Variants in GPATCH2L observed in about 807,000 individuals in gnomAD.
GPATCH2L encodes G-patch domain containing 2 like, also known as G patch domain-containing protein 2-like.
GPATCH2L carries 31 observed loss-of-function variants against 57.4 expected under a neutral mutation model. The ratio of observed to expected loss-of-function variants is 0.54; its 90% CI spans 0.41 to 0.73. The LOEUF (loss-of-function observed/expected upper bound fraction) is 0.73, where lower values mean the gene tolerates loss of function less well. Ranked by LOEUF, GPATCH2L falls within the 30% of genes least tolerant of loss-of-function variation. The pLI is 0.00. For missense variants in GPATCH2L, 481 were observed against 599.9 expected (o/e 0.80, Z 2.07); for synonymous variants, 199 against 210.7 (o/e 0.94, Z 0.48).
intron 3 of GPATCH2L, among the ~76,000 whole-genome samples, chr14:76,169,296 C>T (rs1048475181): frequency 6.6e-6 from 1 of 152,150 alleles, no homozygotes; most frequent in African/African-American, 2.4e-5. Flanking sequence ...TGAGGCTTTT[C>T]AAGGCAGGAC....
Position 76,235,108 on chromosome 14 carries a change from C to T in GPATCH2L, c.*117+5155C>T, listed in dbSNP as rs186982253. On this transcript the variant is annotated intron_variant and NMD_transcript_variant, in intron 2 of 3. Coordinates refer to the GPATCH2L transcript ENST00000556372. Reference sequence around the variant, plus strand: ...GCTTGAACCCAGGAGGCGGAGGTTGCGGTGAGCTGAGATCACGCCGTTGCA... The same window carrying T: ...GCTTGAACCCAGGAGGCGGAGGTTGTGGTGAGCTGAGATCACGCCGTTGCA... Among the ~76,000 whole-genome samples the T allele has an allele frequency of 6.1e-3, 895 of 145,844 alleles. 9 individuals are homozygous for T. The highest frequency in any genetic ancestry group is 0.022 in the African/African-American group (872 of 39,074).
Position 76,155,104 on chromosome 14 carries a change from T to C in GPATCH2L, c.662+79T>C, listed in dbSNP as rs1594898826. The C allele has an allele frequency of 2.5e-6, 3 of 1,179,314 alleles. No individual in the cohort carries two copies. The East Asian group carries it at 7.5e-5, about 30-fold the overall frequency. The allele number at this position is 1,179,314 out of a possible 1,614,324, so 73.1% of individuals were successfully genotyped here. On this transcript the variant is annotated intron_variant, in intron 2 of 9. Transcript: ENST00000261530. ...GCACATCCATGGTCTTAGTGGGTTC[T>C]ACCTTCTTTCAAACCAGCCACTCTA...
chr14:76,165,497 A>G (rs1477200103), intron 2 of GPATCH2L, among the ~76,000 whole-genome samples: 1 of 152,042 alleles, frequency 6.6e-6, no homozygotes, highest in African/African-American at 2.4e-5. Context: ...TCTCAAAAAA[A>G]AAAAAAAAGA....
chr14:76,182,107 C>G (rs2039580937), intron 8 of GPATCH2L, among the ~76,000 whole-genome samples: 1 of 152,074 alleles, frequency 6.6e-6, no homozygotes, highest in Non-Finnish European at 1.5e-5. Context: ...CCTGTAATCC[C>G]AGCACTTTGG....
chr14:76,186,161 C>A (rs2039758159), intron 8 of GPATCH2L, among the ~76,000 whole-genome samples: 1 of 152,002 alleles, frequency 6.6e-6, no homozygotes, highest in Non-Finnish European at 1.5e-5. Flanking sequence ...CTTCCAGAGT[C>A]ATTTGCTAAT....
chr14:76,154,303 T>G lies in GPATCH2L; in HGVS notation c.-10-51T>G. 2.8e-6 allele frequency: 4 copies of G among 1,417,330 alleles called. No homozygotes were observed. The highest frequency in any genetic ancestry group is 3.8e-6 in the Non-Finnish European group (4 of 1,042,554). The allele number at this position is 1,417,330 out of a possible 1,614,324, so 87.8% of individuals were successfully genotyped here. A position where few individuals can be genotyped will look rare whatever the true frequency, so the allele number is the denominator to read the frequency against. ...CAACAGATCCTTTTTCAGGCTTTCTTTTTCTTTTTCTTTTCTTTCTTTCTT... is the reference window on the plus strand; with the variant it reads ...CAACAGATCCTTTTTCAGGCTTTCTGTTTCTTTTTCTTTTCTTTCTTTCTT... On this transcript the variant is annotated intron_variant, in intron 1 of 9. Coordinates refer to ENST00000261530, the MANE Select transcript of GPATCH2L (RefSeq NM_017926.4). This position sits in a 1 kb window ranked among gnomAD's most constrained non-coding sequence, Gnocchi z 4.4.
intron 1 of GPATCH2L, among the ~76,000 whole-genome samples, chr14:76,221,569 G>A (rs1017755731): frequency 8.6e-5 from 13 of 152,028 alleles, no homozygotes; most frequent in African/African-American, 3.1e-4. Flanking sequence ...AGATTTATTT[G>A]TAATTGCCCA....
intron 2 of GPATCH2L, among the ~76,000 whole-genome samples, chr14:76,156,029 A>G (rs991737840): frequency 2.6e-5 from 4 of 152,226 alleles, no homozygotes; most frequent in African/African-American, 9.6e-5. Context: ...TGGACTTAGC[A>G]TATACTCTTA....
Position 76,154,908 on chromosome 14 carries a change from A to G in GPATCH2L, c.545A>G (p.His182Arg). The change falls in exon 2 of 10, where the codon CAC (histidine) becomes CGC (arginine). Residue 182 changes from histidine (H) to arginine (R), a missense_variant. Transcript: ENST00000261530. This position sits in a 1 kb window ranked among gnomAD's most constrained non-coding sequence, Gnocchi z 4.4. The part of the protein sequence containing the change: ...KENTPWTSSG[H>R]GLCESAENRT... ...AATACTCCCTGGACCTCATCAGGCC[A>G]CGGATTGTGTGAATCAGCAGAAAAT... The G allele has an allele frequency of 1.9e-6, 3 of 1,614,224 alleles. No homozygotes were observed. In the Admixed American group the frequency reaches 5.0e-5, roughly 27 times the overall value.
intron 8 of GPATCH2L, among the ~76,000 whole-genome samples, 183 bp downstream of exon 8, chr14:76,181,032 TC>T (rs2039541674): frequency 6.6e-6 from 1 of 152,208 alleles, no homozygotes. Context: ...TTTCCTGTGG[TC>T]CAAGGCTAGT....
rs2040471971 is a variant in GPATCH2L at position 76,214,181 on chromosome 14, A to G, written c.*12330A>G. 1 of 152,200 alleles carries G rather than the reference A, an allele frequency of 6.6e-6. No individual in the cohort carries two copies. Among genetic ancestry groups the G allele is most frequent in the Admixed American group, 6.5e-5 (1 of 15,280 alleles). 9.4% of individuals were successfully genotyped at this position (152,200 alleles called of 1,614,324 possible). On this transcript the variant is annotated 3_prime_UTR_variant, in exon 10 of 10. Transcript: ENST00000261530. The stretch of plus-strand genomic sequence containing the variant: ...ATATTAACTGATTTAGAGAGAACTA[A>G]CATCTTTAAAATGTGGTGTCATCCT...
intron 2 of GPATCH2L, among the ~76,000 whole-genome samples, chr14:76,235,180 A>G (rs1452639010): frequency 1.3e-5 from 2 of 151,776 alleles, no homozygotes; most frequent in African/African-American, 2.4e-5. Context: ...AAAAAAAAAA[A>G]AAAAGAAAAA....
intron 6 of GPATCH2L, 182 bp from the exon 7 acceptor site, chr14:76,177,806 C>T: frequency 2.6e-6 from 2 of 782,036 alleles, no homozygotes; most frequent in Non-Finnish European, 4.3e-6. Context: ...TTAATTATTC[C>T]AACATCTTAT....
intron 1 of GPATCH2L, among the ~76,000 whole-genome samples, chr14:76,228,148 A>G (rs1337842787): frequency 5.3e-5 from 8 of 152,240 alleles, no homozygotes; most frequent in Admixed American, 1.3e-4. Flanking sequence ...GCATAGCTTT[A>G]GGTATCTGGA....
At chr14:76,228,540 A>G (rs1290934470) in intron 1 of GPATCH2L, among the ~76,000 whole-genome samples, 1 of 152,190 alleles carries the variant, frequency 6.6e-6, no homozygotes, top group African/African-American at 2.4e-5. Context: ...TGCATCTGTA[A>G]TAAGTCAGAC....
At chr14:76,169,368 A>G (rs944510009) in intron 3 of GPATCH2L, among the ~76,000 whole-genome samples, 1 of 152,182 alleles carries the variant, frequency 6.6e-6, no homozygotes, top group Non-Finnish European at 1.5e-5. Flanking sequence ...TTAATAAATA[A>G]TTATTTATAA....
intron 2 of GPATCH2L, among the ~76,000 whole-genome samples, chr14:76,159,462 A>G (rs1398445163): frequency 1.3e-5 from 2 of 152,140 alleles, no homozygotes. Flanking sequence ...GGTAACTGCC[A>G]TTCTCAGATC....
rs1595009785 is a variant in GPATCH2L at position 76,213,029 on chromosome 14, A to G, written c.*11178A>G. ...AGGAAAATTCATTGCCCTAAAATTTATGTATTAAAAAATAAGATAAATGTC... is the reference window on the plus strand; with the variant it reads ...AGGAAAATTCATTGCCCTAAAATTTGTGTATTAAAAAATAAGATAAATGTC... On this transcript the variant is annotated 3_prime_UTR_variant, in exon 10 of 10. Coordinates refer to ENST00000261530, the MANE Select transcript of GPATCH2L (RefSeq NM_017926.4). 6.6e-6 allele frequency: 1 copy of G among 152,188 alleles called. No homozygotes were observed. The allele number at this position is 152,188 out of a possible 1,614,324, so 9.4% of individuals were successfully genotyped here.
chr14:76,194,090 T>C (rs1330309670), intron 8 of GPATCH2L, among the ~76,000 whole-genome samples: 1 of 152,296 alleles, frequency 6.6e-6, no homozygotes, highest in South Asian at 2.1e-4. Context: ...CCGTTCAGAC[T>C]GAAGTCCTGT....
Sources: gnomAD v4.1 joint callset for allele counts (sites outside exome capture counted in the v4.1 genomes callset) on GRCh38, gnomAD v4.1.1 for gene constraint, Gnocchi (gnomAD v3.1) non-coding constraint, MANE v1.5 for transcripts, NCBI Gene and HGNC (gene_info 2026-07-23, HGNC 2026-07-21) for gene names.